Variants in WARS2 observed in about 807,000 individuals in gnomAD.
The protein encoded by WARS2 is tryptophanyl tRNA synthetase 2, mitochondrial, also known as tryptophan--tRNA ligase, mitochondrial.
In WARS2, 28 loss-of-function variants were observed where a neutral mutation model predicts 36.5. The ratio of observed to expected loss-of-function variants is 0.77; its 90% confidence interval spans 0.57 to 1.05. The LOEUF is 1.05. Among genes scored for constraint, WARS2 ranks in the 50% least tolerant of loss-of-function variants. The pLI is 0.00. For synonymous variants in WARS2, 174 were observed against 178.4 expected, an observed-to-expected ratio of 0.98 and a Z score of 0.20; for missense variants, 435 against 456.8, an observed-to-expected ratio of 0.95 and a Z score of 0.44.
intron 1 of WARS2, among the ~76,000 whole-genome samples, chr1:119,092,529 C>T (rs896184737): frequency 6.6e-5 from 10 of 152,164 alleles, no homozygotes; most frequent in African/African-American, 2.4e-4. Flanking sequence ...CAGGTCAACT[C>T]TCCCCGATTC....
At chr1:119,085,202 G>A in intron 1 of WARS2, 2 of 824,762 alleles carry the variant, frequency 2.4e-6, no homozygotes, top group Non-Finnish European at 4.3e-6. Flanking sequence ...CCTCCCTCCT[G>A]CTTGAGGACC....
At chr1:119,139,176 G>T (rs1301373154) in intron 1 of WARS2, among the ~76,000 whole-genome samples, 1 of 152,094 alleles carries the variant, frequency 6.6e-6, no homozygotes, top group Non-Finnish European at 1.5e-5. Flanking sequence ...TCAAGGAGAG[G>T]AATTTTTGAT....
intron 1 of WARS2, among the ~76,000 whole-genome samples, chr1:119,088,075 G>T (rs1212176586): frequency 6.6e-6 from 1 of 152,196 alleles, no homozygotes; most frequent in Non-Finnish European, 1.5e-5. Context: ...TGATTCTGAT[G>T]TATGCTAAAG....
At chr1:119,135,283 T>A (rs1656405389) in intron 1 of WARS2, among the ~76,000 whole-genome samples, 1 of 152,214 alleles carries the variant, frequency 6.6e-6, no homozygotes. Flanking sequence ...TGGCACTGTC[T>A]CAGGAGCCCC....
Position 119,032,823 on chromosome 1 carries a change from T to A in WARS2, c.*88A>T. 2 of 1,283,484 alleles carry A rather than the reference T, an allele frequency of 1.6e-6. No homozygotes were observed. Among genetic ancestry groups the A allele is most frequent in the South Asian group, 2.9e-5 (2 of 67,906 alleles). The allele number at this position is 1,283,484 out of a possible 1,614,324, so 79.5% of individuals were successfully genotyped here. A position where few individuals can be genotyped will look rare whatever the true frequency, so the allele number is the denominator to read the frequency against. ...TATACCAAATTAAATGTCCCAAAACTATAACTTTTTCTTTTTAGGAAAGCT... is the reference window on the plus strand; with the variant it reads ...TATACCAAATTAAATGTCCCAAAACAATAACTTTTTCTTTTTAGGAAAGCT... On this transcript the variant is annotated 3_prime_UTR_variant, in exon 6 of 6. Coordinates refer to ENST00000235521, the MANE Select transcript of WARS2 (RefSeq NM_015836.4).
chr1:119,052,055 C>T (rs1055855842), intron 2 of WARS2, among the ~76,000 whole-genome samples: 12 of 151,984 alleles, frequency 7.9e-5, no homozygotes, highest in Non-Finnish European at 1.2e-4. Context: ...TCACCGCACC[C>T]GGCCCTTGCT....
At chr1:119,113,547 T>TAA (rs1654784163) in intron 1 of WARS2, among the ~76,000 whole-genome samples, 1 of 152,048 alleles carries the variant, frequency 6.6e-6, no homozygotes, top group Non-Finnish European at 1.5e-5. Context: ...GGTTAAAAAG[T>TAA]AAAAGATAAA....
intron 1 of WARS2, among the ~76,000 whole-genome samples, chr1:119,134,199 TC>T (rs746929845): frequency 1.3e-5 from 2 of 151,682 alleles, no homozygotes; most frequent in Non-Finnish European, 2.9e-5. Flanking sequence ...AAACTGACAT[TC>T]TTGCATGCTG....
At chr1:119,085,266 C>A in intron 1 of WARS2, 4 of 947,686 alleles carry the variant, frequency 4.2e-6, no homozygotes, top group Non-Finnish European at 5.2e-6. Flanking sequence ...GTTCTCTGCC[C>A]AACCAGAGTA....
intron 1 of WARS2, among the ~76,000 whole-genome samples, chr1:119,137,412 T>C (rs896161447): frequency 6.6e-6 from 1 of 152,194 alleles, no homozygotes; most frequent in Non-Finnish European, 1.5e-5. Flanking sequence ...AAGAACATTA[T>C]GTGAATACTG....
chr1:119,135,842 C>T (rs587649569), intron 1 of WARS2, among the ~76,000 whole-genome samples: 4 of 152,094 alleles, frequency 2.6e-5, no homozygotes, highest in South Asian at 2.1e-4. Context: ...GTGGCACAAT[C>T]GCTGCTCACT....
At chr1:119,093,279 T>C (rs143053725) in intron 1 of WARS2, among the ~76,000 whole-genome samples, 126 of 152,010 alleles carry the variant, frequency 8.3e-4, no homozygotes, top group African/African-American at 2.8e-3. Context: ...GAAAAACCAC[T>C]GAGTAATCTT....
At chr1:119,057,306 C>A (rs768779267) in intron 2 of WARS2, among the ~76,000 whole-genome samples, 2 of 151,716 alleles carry the variant, frequency 1.3e-5, no homozygotes, top group South Asian at 2.1e-4. Context: ...CCACCAAGCC[C>A]GGCTAAATTT....
intron 1 of WARS2, among the ~76,000 whole-genome samples, chr1:119,112,236 ATTG>A (rs1654689616): frequency 6.6e-6 from 1 of 152,104 alleles, no homozygotes; most frequent in Non-Finnish European, 1.5e-5. Context: ...CAGCTTTTTA[ATTG>A]TTGTTAGGAT....
chr1:119,100,961 A>C (rs1227242836), intron 1 of WARS2, among the ~76,000 whole-genome samples: 3 of 152,170 alleles, frequency 2.0e-5, no homozygotes, highest in Non-Finnish European at 4.4e-5. Flanking sequence ...AGGCACCAAA[A>C]GACAAACATC....
intron 1 of WARS2, among the ~76,000 whole-genome samples, chr1:119,110,718 T>A (rs1438294181): frequency 6.6e-6 from 1 of 152,180 alleles, no homozygotes; most frequent in Non-Finnish European, 1.5e-5. Flanking sequence ...CAGTCATTTT[T>A]ATTCAAATAT....
At chr1:119,050,120 C>G (rs987875396) in intron 2 of WARS2, among the ~76,000 whole-genome samples, 24 of 152,244 alleles carry the variant, frequency 1.6e-4, no homozygotes, top group Admixed American at 1.3e-3. Flanking sequence ...TCAAGTCCTA[C>G]TCCTATCCCC....
rs1655107862 is a variant in WARS2 at position 119,118,297 on chromosome 1, TTAA to T, written c.90+22255_90+22257del. 2.0e-5 allele frequency among the ~76,000 whole-genome samples: 3 copies of T among 152,046 alleles called. No individual in the cohort carries two copies. In the South Asian group the frequency reaches 6.2e-4, roughly 32 times the overall value. ...GAAAAGCAAAACACACTGAAAAGTA[TTAA>T]TAATAGAATTGAACAAGCAGAAGAA... On this transcript the variant is annotated intron_variant, in intron 1 of 5. Transcript: ENST00000235521.
At chr1:119,116,846 T>A (rs1655003815) in intron 1 of WARS2, among the ~76,000 whole-genome samples, 2 of 152,168 alleles carry the variant, frequency 1.3e-5, no homozygotes. Context: ...AGCTCCTAGC[T>A]GAACTCTGTA....
Sources: allele counts gnomAD v4.1 joint callset (sites outside exome capture counted in the v4.1 genomes callset), GRCh38; gene constraint gnomAD v4.1.1; transcripts MANE v1.5; gene names NCBI Gene and HGNC (gene_info 2026-07-23, HGNC 2026-07-21).